TULP3: variants seen among roughly 807,000 people sequenced by gnomAD.
TULP3 encodes TUB like protein 3.
In TULP3, 38 loss-of-function variants were observed where a neutral mutation model predicts 50.7. The observed-to-expected ratio is 0.75, with a 90% confidence interval of 0.58 to 0.98. TULP3 has a LOEUF of 0.98. Among genes scored for constraint, TULP3 ranks in the 50% least tolerant of loss-of-function variants. The probability of loss-of-function intolerance (pLI) is 0.00; values close to 1 mark genes in which losing one functional copy is unlikely to be tolerated. For missense variants in TULP3, 550 were observed against 568.0 expected, an observed-to-expected ratio of 0.97 and a Z score of 0.32; for synonymous variants, 183 against 196.6, an observed-to-expected ratio of 0.93 and a Z score of 0.58.
At chr12:2,891,246 C>G (rs1453901824) in intron 1 of TULP3, among the ~76,000 whole-genome samples, 1 of 152,154 alleles carries the variant, frequency 6.6e-6, no homozygotes, top group Non-Finnish European at 1.5e-5. Context: ...TTAGGAACTT[C>G]TGGAGTTTTC....
intron 1 of TULP3, among the ~76,000 whole-genome samples, chr12:2,893,910 C>T (rs1416687012): frequency 1.3e-5 from 2 of 151,848 alleles, no homozygotes; most frequent in Non-Finnish European, 2.9e-5. Context: ...TCCCAAAGTG[C>T]TGGGATTACA....
chr12:2,902,859 A>G (rs934088364), intron 1 of TULP3, among the ~76,000 whole-genome samples: 4 of 141,300 alleles, frequency 2.8e-5, no homozygotes, highest in South Asian at 2.2e-4. Context: ...TTAAAGGGCA[A>G]TGGGATTTTT....
intron 2 of TULP3, 31 bp from the exon 3 acceptor site, chr12:2,920,732 C>T: frequency 6.2e-7 from 1 of 1,612,144 alleles, no homozygotes; most frequent in East Asian, 2.2e-5. Flanking sequence ...CAAAACTCTC[C>T]TTGCTGGCTG....
intron 2 of TULP3, 70 bp from the exon 3 acceptor site, chr12:2,920,693 T>G (rs2098191147): frequency 6.4e-7 from 1 of 1,556,490 alleles, no homozygotes; most frequent in African/African-American, 1.4e-5. Context: ...AAAAACAAAC[T>G]GGGCATGTTG....
chr12:2,894,301 G>GC (rs1491448446), intron 1 of TULP3, among the ~76,000 whole-genome samples: 7 of 35,984 alleles, frequency 1.9e-4, no homozygotes, highest in Admixed American at 4.0e-4. Flanking sequence ...GGGGCGGGGC[G>GC]GGGGGGGGGA....
At chr12:2,898,940 A>T (rs1160812768) in intron 1 of TULP3, among the ~76,000 whole-genome samples, 1 of 152,156 alleles carries the variant, frequency 6.6e-6, no homozygotes, top group Non-Finnish European at 1.5e-5. Flanking sequence ...AGGCATCGCA[A>T]AGTGCTGGGA....
chr12:2,940,048 A>G lies in TULP3; in HGVS notation c.*604A>G. 7.8e-7 allele frequency: 1 copy of G among 1,289,120 alleles called. No homozygotes were observed. The highest frequency in any genetic ancestry group is 1.0e-6 in the Non-Finnish European group (1 of 988,616). The allele number at this position is 1,289,120 out of a possible 1,614,324, so 79.9% of individuals were successfully genotyped here. ...AGATTGGCCGGCACCAATCTTAGTC[A>G]AGAGTGGCTGTGATCACATTTGTGA... On this transcript the variant is annotated 3_prime_UTR_variant, in exon 11 of 11. Coordinates refer to ENST00000448120, the MANE Select transcript of TULP3 (RefSeq NM_003324.5).
chr12:2,940,222 G>T lies in TULP3; in HGVS notation c.*778G>T. ...GTGCCTCTCACAGCTATATGACTAC[G>T]GATCCATTAGTGAGGAGCGACACAC... On this transcript the variant is annotated 3_prime_UTR_variant, in exon 11 of 11. Coordinates refer to ENST00000448120, the MANE Select transcript of TULP3 (RefSeq NM_003324.5). 1 of 1,340,608 alleles carries T rather than the reference G, an allele frequency of 7.5e-7. No individual in the cohort carries two copies. The highest frequency in any genetic ancestry group is 9.8e-7 in the Non-Finnish European group (1 of 1,023,568). 83.0% of individuals were successfully genotyped at this position (1,340,608 alleles called of 1,614,324 possible).
intron 1 of TULP3, among the ~76,000 whole-genome samples, chr12:2,906,631 A>AT (rs1277996403): frequency 1.3e-5 from 2 of 150,064 alleles, no homozygotes; most frequent in Admixed American, 6.7e-5. Context: ...GTCTGGCCTA[A>AT]TTTTTTTTAA....
chr12:2,907,684 A>G (rs1299398834), intron 1 of TULP3, among the ~76,000 whole-genome samples: 1 of 151,452 alleles, frequency 6.6e-6, no homozygotes. Context: ...ATACACACTG[A>G]ACACCTGTAA....
chr12:2,937,945 A>T (rs1381647978), intron 9 of TULP3, among the ~76,000 whole-genome samples, 169 bp from the exon 10 acceptor site: 1 of 152,162 alleles, frequency 6.6e-6, no homozygotes, highest in Non-Finnish European at 1.5e-5. Flanking sequence ...ACAAAGAGAA[A>T]TGCTGGATGA....
intron 2 of TULP3, among the ~76,000 whole-genome samples, chr12:2,915,840 G>A (rs766200436): frequency 2.2e-4 from 34 of 151,626 alleles, no homozygotes; most frequent in Non-Finnish European, 4.6e-4. Context: ...CACCGTGCCC[G>A]GCCGAGATTT....
chr12:2,914,164 G>T (rs1035967409), intron 2 of TULP3, among the ~76,000 whole-genome samples: 1 of 125,196 alleles, frequency 8.0e-6, no homozygotes, highest in Non-Finnish European at 1.6e-5. Context: ...TGCTCTTGTC[G>T]CCCAGGCTGG....
intron 1 of TULP3, among the ~76,000 whole-genome samples, chr12:2,903,960 C>T (rs978025995): frequency 1.3e-5 from 2 of 151,778 alleles, no homozygotes; most frequent in Non-Finnish European, 2.9e-5. Context: ...ATTTTTGTAT[C>T]TTTAGCAGAG....
rs779362288 is a variant in TULP3, at chr12:2,939,393, G to C, written c.1278G>C (p.Gln426His). The C allele has an allele frequency of 3.7e-6, 6 of 1,614,184 alleles. No individual in the cohort carries two copies. The highest frequency in any genetic ancestry group is 4.2e-6 in the Non-Finnish European group (5 of 1,180,036). ...ACAACTACCCACTTTGTGCAGTACAGGCCTTTGGCATCGGTCTTTCTAGCT... is the reference window on the plus strand; with the variant it reads ...ACAACTACCCACTTTGTGCAGTACACGCCTTTGGCATCGGTCTTTCTAGCT... Reference protein sequence around the residue: ...LDYNYPLCAVQAFGIGLSSFD... With the variant: ...LDYNYPLCAVHAFGIGLSSFD... Residue 426 changes from glutamine to histidine, a missense_variant, in exon 11 of 11, where the codon CAG becomes CAC. By Grantham distance (24) the Gln-to-His change is conservative. Transcript: ENST00000448120. This position sits in a 1 kb window ranked among gnomAD's most constrained non-coding sequence, Gnocchi z 4.0.
chr12:2,904,828 G>A (rs1330243206), intron 1 of TULP3, among the ~76,000 whole-genome samples: 3 of 152,128 alleles, frequency 2.0e-5, no homozygotes, highest in Non-Finnish European at 4.4e-5. Flanking sequence ...GGCCGGGCAT[G>A]GTGGCTCATG....
intron 2 of TULP3, among the ~76,000 whole-genome samples, chr12:2,912,179 T>C (rs1307762498): frequency 2.0e-5 from 3 of 152,220 alleles, no homozygotes; most frequent in Non-Finnish European, 4.4e-5. Context: ...TCTGCCATTA[T>C]TCAGCTGTGT....
chr12:2,891,924 A>G (rs1364214899), intron 1 of TULP3, among the ~76,000 whole-genome samples: 1 of 152,048 alleles, frequency 6.6e-6, no homozygotes, highest in Non-Finnish European at 1.5e-5. Context: ...TCAATCAGTC[A>G]ATCAATTAAA....
chr12:2,892,640 T>C (rs1368665005), intron 1 of TULP3, among the ~76,000 whole-genome samples: 1 of 151,890 alleles, frequency 6.6e-6, no homozygotes, highest in Non-Finnish European at 1.5e-5. Flanking sequence ...GCCTCCTGAG[T>C]AGCTGGGACT....
Sources: allele counts gnomAD v4.1 joint callset (sites outside exome capture counted in the v4.1 genomes callset), GRCh38; gene constraint gnomAD v4.1.1; non-coding constraint Gnocchi (gnomAD v3.1); transcripts MANE v1.5; gene names NCBI Gene and HGNC (gene_info 2026-07-23, HGNC 2026-07-21).